Variants in ALK observed in about 807,000 individuals in gnomAD.
ALK encodes the protein ALK tyrosine kinase receptor.
In ALK, 74 loss-of-function variants were observed where a neutral mutation model predicts 163.1. The ratio of observed to expected loss-of-function variants is 0.45; its 90% CI spans 0.38 to 0.55. The LOEUF (loss-of-function observed/expected upper bound fraction) is 0.55, where lower values mean the gene tolerates loss of function less well. ALK is among the 20% of genes least tolerant of loss of function. The pLI, the probability that ALK is intolerant of heterozygous loss-of-function variation, is 0.00. For missense variants in ALK, 2,063 were observed against 2,105.3 expected (o/e 0.98, Z 0.39); for synonymous variants, 960 against 843.2 (o/e 1.14, Z -2.40).
At chr2:29,814,426 C>T (rs558617137) in intron 1 of ALK, among the ~76,000 whole-genome samples, 44 of 151,652 alleles carry the variant, frequency 2.9e-4, no homozygotes, top group African/African-American at 9.4e-4. Context: ...TTTGGGAGGC[C>T]GAGGCGGGCG....
chr2:29,259,081 C>T (rs576032865), intron 11 of ALK, among the ~76,000 whole-genome samples: 12 of 152,228 alleles, frequency 7.9e-5, no homozygotes, highest in African/African-American at 2.6e-4. Flanking sequence ...TATTTAACCT[C>T]GTGTATATCA....
intron 1 of ALK, among the ~76,000 whole-genome samples, chr2:29,802,979 G>T (rs1156520053): frequency 6.6e-6 from 1 of 151,338 alleles, no homozygotes; most frequent in Non-Finnish European, 1.5e-5. Context: ...AACCTAAATG[G>T]GATTTTAAAA....
intron 1 of ALK, among the ~76,000 whole-genome samples, chr2:29,876,308 G>C (rs1269138413): frequency 6.6e-6 from 1 of 152,138 alleles, no homozygotes; most frequent in Admixed American, 6.5e-5. Context: ...TGATGACAGT[G>C]GTGGTGATGG....
chr2:29,775,539 A>C (rs898534678), intron 1 of ALK, among the ~76,000 whole-genome samples: 2 of 149,028 alleles, frequency 1.3e-5, no homozygotes, highest in African/African-American at 4.9e-5. Flanking sequence ...TCCCCCTACA[A>C]AAAAAAAAAA....
In ALK at chr2:29,571,602, C is replaced by CTTTTTTTTTTTTTTTTTT. The variant is rs60429543; in HGVS notation, c.953-39504_953-39487dup. On this transcript the variant is annotated intron_variant, in intron 3 of 28. Coordinates refer to ENST00000389048, the MANE Select transcript of ALK (RefSeq NM_004304.5). ...TAAATTACCTAGTCTTGGCTCATATCTTTTTTTTTTTTTTTTTTTTTTTTT... is the reference window on the plus strand; with the variant it reads ...TAAATTACCTAGTCTTGGCTCATATCTTTTTTTTTTTTTTTTTTTTTTTTTTTTTTTTTTTTTTTTTTT... Among the ~76,000 whole-genome samples, 27 of 68,522 alleles carry CTTTTTTTTTTTTTTTTTT rather than the reference C, an allele frequency of 3.9e-4. 1 individual carries two copies. Among genetic ancestry groups the CTTTTTTTTTTTTTTTTTT allele is most frequent in the East Asian group, 1.1e-3 (3 of 2,668 alleles). The allele number at this position is 68,522 out of a possible 152,430, so 45.0% of individuals were successfully genotyped here.
At chr2:29,302,766 G>A (rs1197882171) in intron 8 of ALK, among the ~76,000 whole-genome samples, 1 of 152,142 alleles carries the variant, frequency 6.6e-6, no homozygotes, top group Non-Finnish European at 1.5e-5. Context: ...CAGTAAGGGA[G>A]TATATCCAGG....
At chr2:29,557,692 G>GTA (rs1339707364) in intron 3 of ALK, among the ~76,000 whole-genome samples, 5 of 152,118 alleles carry the variant, frequency 3.3e-5, no homozygotes, top group African/African-American at 7.2e-5. Context: ...GTATAAAGTG[G>GTA]TATATATACC....
chr2:29,225,089 T>C (rs1024805797), intron 19 of ALK, among the ~76,000 whole-genome samples: 1 of 152,044 alleles, frequency 6.6e-6, no homozygotes, highest in Admixed American at 6.6e-5. Context: ...GTGCATTACA[T>C]AGGGTGGGAG....
rs1366729909 is a variant in ALK at position 29,228,796 on chromosome 2, G to A, written c.2815+88C>T. 27 of 887,654 alleles carry A rather than the reference G, an allele frequency of 3.0e-5. No homozygotes were observed. In the East Asian group the frequency reaches 6.4e-4, roughly 21 times the overall value. The allele number at this position is 887,654 out of a possible 1,614,324, so 55.0% of individuals were successfully genotyped here. A position where few individuals can be genotyped will look rare whatever the true frequency, so the allele number is the denominator to read the frequency against. On this transcript the variant is annotated intron_variant, in intron 16 of 28. Coordinates refer to ENST00000389048, the MANE Select transcript of ALK (RefSeq NM_004304.5). Reference sequence around the variant, plus strand: ...CACAGTCCACACTTGGGCAGGCCAGGGGAGGGCAGGGGAGGGCAGGGCAGG... The same window carrying A: ...CACAGTCCACACTTGGGCAGGCCAGAGGAGGGCAGGGGAGGGCAGGGCAGG...
In ALK at chr2:29,232,376, C is replaced by G. The variant is rs189078025; in HGVS notation, c.2560G>C (p.Asp854His). 1 of 1,614,270 alleles carries G rather than the reference C, an allele frequency of 6.2e-7. No homozygotes were observed. The highest frequency in any genetic ancestry group is 1.7e-5 in the Admixed American group (1 of 60,034). Residue 854 changes from aspartate (D) to histidine (H), a missense_variant, in exon 15 of 29, where the codon GAC becomes CAC. Coordinates refer to ENST00000389048, the MANE Select transcript of ALK (RefSeq NM_004304.5). ...GGGRAYGAKT[D>H]TFHPERLENN... ...TCCAGTCTCTCTGGGTGGAACGTGT[C>G]TGTCTTGGCCCCGTAGGCCCTGCCA...
At chr2:29,868,111 G>T (rs964147012) in intron 1 of ALK, among the ~76,000 whole-genome samples, 6 of 152,224 alleles carry the variant, frequency 3.9e-5, no homozygotes, top group Non-Finnish European at 7.3e-5. Flanking sequence ...GTAGTGATGA[G>T]CAGAAAGGCT....
intron 1 of ALK, among the ~76,000 whole-genome samples, chr2:29,858,185 T>G (rs746994129): frequency 6.6e-6 from 1 of 152,160 alleles, no homozygotes; most frequent in Non-Finnish European, 1.5e-5. Context: ...ATCCCTCCTG[T>G]TGCCCCTGTA....
intron 1 of ALK, among the ~76,000 whole-genome samples, chr2:29,828,627 C>T (rs1238706697): frequency 6.6e-6 from 1 of 152,212 alleles, no homozygotes; most frequent in African/African-American, 2.4e-5. Context: ...CATCTCACAC[C>T]TGTTAGAATG....
At chr2:29,700,200 G>A (rs1678691120) in intron 2 of ALK, among the ~76,000 whole-genome samples, 1 of 152,178 alleles carries the variant, frequency 6.6e-6, no homozygotes, top group Non-Finnish European at 1.5e-5. Flanking sequence ...GAAGAAGGGT[G>A]AATGTACATC....
At chr2:29,757,800 T>A (rs1485434403) in intron 1 of ALK, among the ~76,000 whole-genome samples, 1 of 152,148 alleles carries the variant, frequency 6.6e-6, no homozygotes, top group African/African-American at 2.4e-5. Flanking sequence ...TTGGTTTTGG[T>A]TGCTGTTGTT....
chr2:29,216,933 G>GGGGCATGTGTGT (rs147678836), intron 23 of ALK, among the ~76,000 whole-genome samples: 51,996 of 140,314 alleles, frequency 0.37, 11,107 homozygotes, highest in Non-Finnish European at 0.49. Context: ...GGTGTGTGGG[G>GGGGCATGTGTGT]GGTGTGTGTG....
At chr2:29,288,463 G>A (rs1041190598) in intron 9 of ALK, among the ~76,000 whole-genome samples, 1 of 152,194 alleles carries the variant, frequency 6.6e-6, no homozygotes, top group Non-Finnish European at 1.5e-5. Flanking sequence ...GCTGGGCCCT[G>A]CAGGTACAGG....
intron 24 of ALK, among the ~76,000 whole-genome samples, chr2:29,210,498 T>C (rs550908943): frequency 1.3e-5 from 2 of 152,302 alleles, no homozygotes; most frequent in South Asian, 4.1e-4. Flanking sequence ...AGTGGTGCGA[T>C]CTTGGCTCAC....
rs754810505 is a variant in ALK at position 29,296,918 on chromosome 2, A to G, written c.1787T>C (p.Met596Thr). The G allele has an allele frequency of 2.3e-5, 37 of 1,614,072 alleles. No homozygotes were observed. In the Middle Eastern group the frequency reaches 1.3e-3, roughly 57 times the overall value. Residue 596 changes from methionine to threonine, a missense_variant, in exon 9 of 29, where the codon ATG becomes ACG. Transcript: ENST00000389048. ...AGACACATCGAGGAGAGGCAACACC[A>G]TCCACTGCCACAGGCTCAAGCCTTC... is the stretch of plus-strand genomic sequence containing the variant. ...AYEGLSLWQWMVLPLLDVSDR... is the reference protein window; with the variant it reads ...AYEGLSLWQWTVLPLLDVSDR...
Sources: allele counts gnomAD v4.1 joint callset (sites outside exome capture counted in the v4.1 genomes callset), GRCh38; gene constraint gnomAD v4.1.1; transcripts MANE v1.5; gene names NCBI Gene and HGNC (gene_info 2026-07-23, HGNC 2026-07-21).